DSCAM: variants seen among roughly 807,000 people sequenced by gnomAD.
The protein encoded by DSCAM is cell adhesion molecule DSCAM.
In DSCAM, 47 loss-of-function variants were observed where a neutral mutation model predicts 217.7. That is an observed-to-expected ratio of 0.22 (90% CI 0.17 to 0.28). The LOEUF (loss-of-function observed/expected upper bound fraction) is 0.28. DSCAM is among the 10% of genes least tolerant of loss of function. The pLI, the probability that DSCAM is intolerant of heterozygous loss-of-function variation, is 1.00. For synonymous variants in DSCAM, 1,056 were observed against 1,015.3 expected, an observed-to-expected ratio of 1.04 and a Z score of -0.76; for missense variants, 2,080 against 2,618.3, an observed-to-expected ratio of 0.79 and a Z score of 4.49.
intron 1 of DSCAM, among the ~76,000 whole-genome samples, chr21:40,758,688 C>A (rs956373934): frequency 6.6e-6 from 1 of 151,998 alleles, no homozygotes; most frequent in Non-Finnish European, 1.5e-5. Context: ...CAGCTGCTTG[C>A]TTAGGCGAGG....
intron 11 of DSCAM, among the ~76,000 whole-genome samples, chr21:40,261,332 G>A (rs773746304): frequency 6.6e-6 from 1 of 152,188 alleles, no homozygotes; most frequent in African/African-American, 2.4e-5. Context: ...CTGTGAGGGT[G>A]TTTCTGGGCA....
chr21:40,199,690 C>T (rs758024107), intron 11 of DSCAM, among the ~76,000 whole-genome samples: 9 of 152,060 alleles, frequency 5.9e-5, no homozygotes, highest in Non-Finnish European at 8.8e-5. Flanking sequence ...AATAGCCATT[C>T]TGACTATTCT....
At chr21:40,639,533 GAAT>G (rs1205089488) in intron 3 of DSCAM, among the ~76,000 whole-genome samples, 3 of 152,164 alleles carry the variant, frequency 2.0e-5, no homozygotes, top group African/African-American at 7.2e-5. Flanking sequence ...AAAGAAATGT[GAAT>G]AACAAATCAG....
chr21:40,368,683 A>T (rs576309688), intron 4 of DSCAM, among the ~76,000 whole-genome samples: 39 of 152,306 alleles, frequency 2.6e-4, no homozygotes, highest in Non-Finnish European at 4.9e-4. Flanking sequence ...CTTCCATCTC[A>T]CTATTACAAC....
intron 3 of DSCAM, among the ~76,000 whole-genome samples, chr21:40,656,251 A>G (rs555805283): frequency 1.3e-5 from 2 of 152,170 alleles, no homozygotes; most frequent in Admixed American, 1.3e-4. Context: ...TTTGAAGGCT[A>G]CATTCAACCT....
At chr21:40,562,007 C>T (rs183846205) in intron 3 of DSCAM, among the ~76,000 whole-genome samples, 1 of 152,322 alleles carries the variant, frequency 6.6e-6, no homozygotes, top group Admixed American at 6.5e-5. Flanking sequence ...AGCCATATGT[C>T]CATTTCACTG....
intron 11 of DSCAM, among the ~76,000 whole-genome samples, chr21:40,261,649 CTCT>C (rs1411393264): frequency 1.6e-4 from 15 of 95,182 alleles, no homozygotes; most frequent in African/African-American, 5.6e-4. Context: ...CTCTCTCTCT[CTCT>C]ACACACACAC....
At chr21:40,029,192 C>T (rs546229503) in intron 32 of DSCAM, among the ~76,000 whole-genome samples, 4 of 119,816 alleles carry the variant, frequency 3.3e-5, no homozygotes, top group South Asian at 2.7e-4. Flanking sequence ...AGTTGCAAAC[C>T]TTCTTGGATT....
chr21:40,227,130 C>G (rs1167360738), intron 11 of DSCAM, among the ~76,000 whole-genome samples: 1 of 152,026 alleles, frequency 6.6e-6, no homozygotes, highest in Non-Finnish European at 1.5e-5. Context: ...ACCACATTTT[C>G]TTTAGTAGTT....
At chr21:40,575,585 T>C (rs1373166370) in intron 3 of DSCAM, among the ~76,000 whole-genome samples, 1 of 152,154 alleles carries the variant, frequency 6.6e-6, no homozygotes, top group African/African-American at 2.4e-5. Flanking sequence ...GATAAATAGA[T>C]GGAGGGAAAT....
At chr21:40,156,115 C>A (rs2090473777) in intron 16 of DSCAM, among the ~76,000 whole-genome samples, 1 of 151,142 alleles carries the variant, frequency 6.6e-6, no homozygotes, top group African/African-American at 2.4e-5. Flanking sequence ...TAAGAGAACC[C>A]TTAAGTGATG....
At chr21:40,654,675 C>G (rs7277997) in intron 3 of DSCAM, among the ~76,000 whole-genome samples, 134,780 of 152,154 alleles carry the variant, frequency 0.89, 59,870 homozygotes, top group East Asian at 0.95. Flanking sequence ...CCTCCATCCT[C>G]AAAGTCAGCA....
chr21:40,532,545 T>G (rs1039973358), intron 3 of DSCAM, among the ~76,000 whole-genome samples: 1 of 152,190 alleles, frequency 6.6e-6, no homozygotes. Context: ...AAATGTCTCA[T>G]GCAGGTCATG....
At chr21:40,113,086 T>C (rs1966839045) in intron 20 of DSCAM, among the ~76,000 whole-genome samples, 1 of 152,188 alleles carries the variant, frequency 6.6e-6, no homozygotes, top group African/African-American at 2.4e-5. Flanking sequence ...ATCATCCTGA[T>C]ACCAAAGCCT....
At chr21:40,404,564 C>G (rs1033451369) in intron 3 of DSCAM, among the ~76,000 whole-genome samples, 7 of 152,212 alleles carry the variant, frequency 4.6e-5, no homozygotes, top group African/African-American at 7.2e-5. Context: ...TCCTGTGTGT[C>G]TCTGAAAAAC....
chr21:40,493,687 C>A (rs1381511155), intron 3 of DSCAM, among the ~76,000 whole-genome samples: 1 of 151,400 alleles, frequency 6.6e-6, no homozygotes, highest in Non-Finnish European at 1.5e-5. Flanking sequence ...CATGGTGAAA[C>A]CCTGTTTCTA....
At chr21:40,461,643 A>G (rs1314987139) in intron 3 of DSCAM, among the ~76,000 whole-genome samples, 1 of 152,212 alleles carries the variant, frequency 6.6e-6, no homozygotes, top group Non-Finnish European at 1.5e-5. Flanking sequence ...GTAAGGTTTC[A>G]TGGCAAAGGG....
chr21:40,158,410 C>G (rs1409098613), intron 16 of DSCAM, among the ~76,000 whole-genome samples: 1 of 151,730 alleles, frequency 6.6e-6, no homozygotes, highest in Non-Finnish European at 1.5e-5. Context: ...AAAACAAAAA[C>G]AAAAAAACAA....
intron 11 of DSCAM, among the ~76,000 whole-genome samples, chr21:40,227,262 CA>C: frequency 6.6e-6 from 1 of 152,320 alleles, no homozygotes; most frequent in Non-Finnish European, 1.5e-5. Context: ...AGCACTAAAG[CA>C]TTTGGAAGGC....
Sources: allele counts gnomAD v4.1 joint callset (sites outside exome capture counted in the v4.1 genomes callset), GRCh38; gene constraint gnomAD v4.1.1; transcripts MANE v1.5; gene names NCBI Gene and HGNC (gene_info 2026-07-23, HGNC 2026-07-21).